ME1: variants seen among roughly 807,000 people sequenced by gnomAD.
The protein encoded by ME1 is malic enzyme 1.
In ME1, 74 loss-of-function variants were observed where a neutral mutation model predicts 66.4. That is an observed-to-expected ratio of 1.11 (90% CI 0.92 to 1.35). The LOEUF (loss-of-function observed/expected upper bound fraction) is 1.35, where lower values mean the gene tolerates loss of function less well. Ranked by LOEUF, ME1 falls within the 40% of genes most tolerant of loss-of-function variation. The pLI, the probability that ME1 is intolerant of heterozygous loss-of-function variation, is 0.00. For synonymous variants in ME1, 251 were observed against 235.6 expected (o/e 1.07, Z -0.60); for missense variants, 750 against 694.1 (o/e 1.08, Z -0.90).
intron 6 of ME1, among the ~76,000 whole-genome samples, chr6:83,298,204 C>T (rs1767638464): frequency 6.6e-6 from 1 of 152,238 alleles, no homozygotes; most frequent in East Asian, 1.9e-4. Flanking sequence ...TCCTATTTCT[C>T]CACAGCCTCA....
intron 1 of ME1, among the ~76,000 whole-genome samples, chr6:83,426,888 G>A (rs962380096): frequency 2.6e-5 from 4 of 152,074 alleles, no homozygotes; most frequent in African/African-American, 9.7e-5. Flanking sequence ...AATTATGATA[G>A]AACTATCAAT....
At chr6:83,330,744 C>A (rs1048919424) in intron 5 of ME1, among the ~76,000 whole-genome samples, 4 of 152,086 alleles carry the variant, frequency 2.6e-5, no homozygotes, top group Non-Finnish European at 5.9e-5. Flanking sequence ...TAAAGAAAGA[C>A]CCCATTCTCT....
At chr6:83,222,306 G>A (rs1280007246) in intron 12 of ME1, among the ~76,000 whole-genome samples, 3 of 152,150 alleles carry the variant, frequency 2.0e-5, no homozygotes, top group Non-Finnish European at 4.4e-5. Flanking sequence ...AAAACGACAG[G>A]AGAACATTAT....
intron 5 of ME1, among the ~76,000 whole-genome samples, chr6:83,329,079 C>G (rs925482434): frequency 6.6e-6 from 1 of 152,100 alleles, no homozygotes; most frequent in African/African-American, 2.4e-5. Flanking sequence ...TCCCACATTT[C>G]TATCTTTACA....
At chr6:83,228,955 A>G (rs1583328905) in intron 9 of ME1, 24 bp from the exon 10 acceptor site, 1 of 1,509,246 alleles carries the variant, frequency 6.6e-7, no homozygotes, top group Non-Finnish European at 9.1e-7. Context: ...GTAAGAAAAA[A>G]TTAAGAATCT....
intron 3 of ME1, among the ~76,000 whole-genome samples, chr6:83,370,137 A>T (rs1259498051): frequency 6.6e-6 from 1 of 152,202 alleles, no homozygotes; most frequent in South Asian, 2.1e-4. Context: ...GTTACATACT[A>T]AAATGGATAA....
At chr6:83,277,363 C>T (rs1393494065) in intron 6 of ME1, among the ~76,000 whole-genome samples, 1 of 152,124 alleles carries the variant, frequency 6.6e-6, no homozygotes, top group African/African-American at 2.4e-5. Context: ...AGCCTCAGCA[C>T]CCCCAGTTTA....
intron 7 of ME1, among the ~76,000 whole-genome samples, chr6:83,249,870 A>C (rs2128527644): frequency 6.6e-6 from 1 of 152,150 alleles, no homozygotes; most frequent in African/African-American, 2.4e-5. Flanking sequence ...CCTTTCCCCC[A>C]TCTAACAGTC....
intron 6 of ME1, among the ~76,000 whole-genome samples, chr6:83,267,113 C>T (rs1286517019): frequency 6.6e-6 from 1 of 152,120 alleles, no homozygotes; most frequent in Admixed American, 6.6e-5. Context: ...AGTTTACTAA[C>T]ATAGGGATGT....
At chr6:83,368,986 A>G (rs1769147194) in intron 3 of ME1, among the ~76,000 whole-genome samples, 1 of 152,198 alleles carries the variant, frequency 6.6e-6, no homozygotes, top group Non-Finnish European at 1.5e-5. Flanking sequence ...AGTTGAATGA[A>G]GAAATCCTCC....
intron 13 of ME1, among the ~76,000 whole-genome samples, chr6:83,213,147 T>A (rs1789927957): frequency 1.3e-5 from 2 of 151,034 alleles, no homozygotes; most frequent in African/African-American, 4.9e-5. Flanking sequence ...ATTCTCTGGC[T>A]GGCACAGTGG....
At chr6:83,233,946 T>C (rs941244213) in intron 9 of ME1, among the ~76,000 whole-genome samples, 8 of 151,986 alleles carry the variant, frequency 5.3e-5, no homozygotes, top group Non-Finnish European at 7.4e-5. Context: ...TATTAAATAG[T>C]GTACAAGCTA....
intron 13 of ME1, among the ~76,000 whole-genome samples, chr6:83,214,424 A>T (rs1244964670): frequency 6.6e-6 from 1 of 152,182 alleles, no homozygotes; most frequent in Non-Finnish European, 1.5e-5. Flanking sequence ...TAACTTGTTA[A>T]GTACCAAATA....
intron 6 of ME1, among the ~76,000 whole-genome samples, chr6:83,299,814 A>T (rs1282317997): frequency 6.6e-6 from 1 of 152,124 alleles, no homozygotes; most frequent in Non-Finnish European, 1.5e-5. Context: ...ACATGAAGGG[A>T]TATCAAATCT....
chr6:83,398,320 A>C (rs1769778607), intron 3 of ME1, 47 bp downstream of exon 3: 1 of 1,370,364 alleles, frequency 7.3e-7, no homozygotes, highest in Non-Finnish European at 9.9e-7. Flanking sequence ...AAAACTTACA[A>C]AAATAAATAA....
intron 3 of ME1, among the ~76,000 whole-genome samples, chr6:83,389,291 T>C (rs911316944): frequency 1.3e-5 from 2 of 152,188 alleles, no homozygotes; most frequent in Non-Finnish European, 2.9e-5. Flanking sequence ...TGTGAGTGAA[T>C]GAATAAAGTA....
In ME1 at chr6:83,317,580, T is replaced by A. The variant is rs971746189; in HGVS notation, c.601-2167A>T. ...AGATTTTGGGCTGAGACAATGGGGT[T>A]TTCTAGATACACAATCATGTCGTCT... is the stretch of plus-strand genomic sequence containing the variant. On this transcript the variant is annotated intron_variant, in intron 5 of 13. Transcript: ENST00000369705. Among the ~76,000 whole-genome samples, 9 of 151,846 alleles carry A rather than the reference T, an allele frequency of 5.9e-5. No homozygotes were observed. The East Asian group carries it at 1.7e-3, about 29-fold the overall frequency.
chr6:83,250,354 A>G (rs1029901177), intron 7 of ME1, among the ~76,000 whole-genome samples: 5 of 152,050 alleles, frequency 3.3e-5, no homozygotes, highest in Admixed American at 6.5e-5. Flanking sequence ...AAAAAAATAG[A>G]AGCTGTTATA....
chr6:83,404,253 C>T (rs1172763258), intron 2 of ME1, among the ~76,000 whole-genome samples: 1 of 147,280 alleles, frequency 6.8e-6, no homozygotes, highest in Admixed American at 7.1e-5. Flanking sequence ...TCTCTAATGA[C>T]CAGTGATGAT....
Sources: gnomAD v4.1 joint callset for allele counts (sites outside exome capture counted in the v4.1 genomes callset) on GRCh38, gnomAD v4.1.1 for gene constraint, MANE v1.5 for transcripts, NCBI Gene and HGNC (gene_info 2026-07-23, HGNC 2026-07-21) for gene names.